Variants in AGMO observed in about 807,000 individuals in gnomAD.
The protein encoded by AGMO is glyceryl-ether monooxygenase.
AGMO carries 75 observed loss-of-function variants against 60.2 expected under a neutral mutation model. The ratio of observed to expected loss-of-function variants is 1.25; its 90% CI spans 1.03 to 1.51. The LOEUF (loss-of-function observed/expected upper bound fraction) is 1.51, where lower values mean the gene tolerates loss of function less well. Ranked by LOEUF, AGMO falls within the 40% of genes most tolerant of loss-of-function variation. The pLI is 0.00. For synonymous variants in AGMO, 261 were observed against 177.1 expected (o/e 1.47, Z -3.76); for missense variants, 763 against 525.5 (o/e 1.45, Z -4.42).
At chr7:15,143,149 C>G in the AGMO span, among the ~76,000 whole-genome samples, 17 of 152,112 alleles carry the variant, frequency 1.1e-4, no homozygotes, top group African/African-American at 4.1e-4. Context: ...CATTAAATAT[C>G]TTTATTTCTT....
At chr7:15,459,423 G>C (rs910919949) in intron 3 of AGMO, among the ~76,000 whole-genome samples, 1 of 152,164 alleles carries the variant, frequency 6.6e-6, no homozygotes, top group Non-Finnish European at 1.5e-5. Flanking sequence ...AGGATGCTGA[G>C]AGGGAGGGAA....
chr7:15,338,789 C>G (rs1781742362), intron 12 of AGMO, among the ~76,000 whole-genome samples: 1 of 152,122 alleles, frequency 6.6e-6, no homozygotes, highest in African/African-American at 2.4e-5. Flanking sequence ...AAAGGGTGCT[C>G]TAATCTTGCA....
intron 12 of AGMO, among the ~76,000 whole-genome samples, chr7:15,322,523 T>TAA (rs1781154943): frequency 1.2e-5 from 1 of 83,688 alleles, no homozygotes; most frequent in African/African-American, 5.9e-5. Context: ...TATAAATATA[T>TAA]ATAAATATAT....
chr7:15,161,843 G>A, the AGMO span, among the ~76,000 whole-genome samples: 1 of 152,044 alleles, frequency 6.6e-6, no homozygotes, highest in Non-Finnish European at 1.5e-5. Context: ...GGCCTGCACA[G>A]ATGAACAAGA....
At chr7:15,184,420 GGAAAA>G in the AGMO span, among the ~76,000 whole-genome samples, 120 of 116,968 alleles carry the variant, frequency 1.0e-3, 3 homozygotes, top group African/African-American at 3.6e-3. Flanking sequence ...AAGGAAGGAA[GGAAAA>G]GAAGGAAGGA....
intron 3 of AGMO, among the ~76,000 whole-genome samples, chr7:15,482,243 A>G (rs1277626319): frequency 6.6e-6 from 1 of 152,118 alleles, no homozygotes; most frequent in Non-Finnish European, 1.5e-5. Flanking sequence ...AAAGGTTTGA[A>G]AAAAATCAGT....
At chr7:15,472,879 T>C (rs1324395102) in intron 3 of AGMO, among the ~76,000 whole-genome samples, 1 of 151,856 alleles carries the variant, frequency 6.6e-6, no homozygotes, top group Admixed American at 6.6e-5. Flanking sequence ...GACTTTTGGC[T>C]GCAAAATTAG....
At chr7:15,224,685 T>G (rs1030647421) in intron 12 of AGMO, among the ~76,000 whole-genome samples, 1 of 152,028 alleles carries the variant, frequency 6.6e-6, no homozygotes, top group Non-Finnish European at 1.5e-5. Flanking sequence ...TCTCTATGCT[T>G]GAAAAATCTT....
the AGMO span, among the ~76,000 whole-genome samples, chr7:15,178,116 G>C: frequency 2.0e-5 from 3 of 152,020 alleles, no homozygotes; most frequent in South Asian, 2.1e-4. Flanking sequence ...GGGACATCCT[G>C]GTACTGCCCT....
chr7:15,303,508 T>C (rs936366999), intron 12 of AGMO, among the ~76,000 whole-genome samples: 1 of 151,868 alleles, frequency 6.6e-6, no homozygotes, highest in Non-Finnish European at 1.5e-5. Flanking sequence ...AACAAGGTCA[T>C]ATCCCACCCA....
chr7:15,370,551 T>A lies in AGMO; in HGVS notation c.1075-4329A>T, dbSNP rs538540269. On this transcript the variant is annotated intron_variant, in intron 10 of 12. Transcript: ENST00000342526. ...CCTTTTCTTTTTAGCCTCACCAGCA[T>A]CTATTGTTTTGATTTTTTAACAATA... is the stretch of plus-strand genomic sequence containing the variant. Among the ~76,000 whole-genome samples the A allele has an allele frequency of 2.0e-5, 3 of 152,322 alleles. No homozygotes were observed. The South Asian group carries it at 6.2e-4, about 32-fold the overall frequency.
intron 3 of AGMO, among the ~76,000 whole-genome samples, chr7:15,521,875 G>A (rs528803506): frequency 1.8e-4 from 28 of 152,242 alleles, no homozygotes; most frequent in Admixed American, 6.5e-4. Context: ...AAGAAATAAA[G>A]GGTATTCAAA....
At chr7:15,331,306 T>C (rs1781492951) in intron 12 of AGMO, among the ~76,000 whole-genome samples, 1 of 152,208 alleles carries the variant, frequency 6.6e-6, no homozygotes, top group South Asian at 2.1e-4. Flanking sequence ...AAATGATTAT[T>C]ACGGCTTAAG....
Position 15,544,909 on chromosome 7 carries a change from C to A in AGMO, c.272G>T (p.Ser91Ile). The A allele has an allele frequency of 1.3e-6, 2 of 1,546,070 alleles. No individual in the cohort carries two copies. Among genetic ancestry groups the A allele is most frequent in the Non-Finnish European group, 1.7e-6 (2 of 1,145,920 alleles). Reference sequence around the variant, plus strand: ...ATAAATATAACTGGTCAGTTCAATGCTCCTGAAAAATAGACTGGAAGATAA... The same window carrying A: ...ATAAATATAACTGGTCAGTTCAATGATCCTGAAAAATAGACTGGAAGATAA... Reference protein sequence around the residue: ...LSRLPSLFFRSIELTSYIYIW... With the variant: ...LSRLPSLFFRIIELTSYIYIW... Residue 91 changes from serine (S) to isoleucine (I), a missense_variant, in exon 3 of 13, where the codon AGC (serine) becomes ATC (isoleucine). By Grantham distance (142) the Ser-to-Ile change is moderately radical. Transcript: ENST00000342526.
At chr7:15,149,267 G>T in the AGMO span, among the ~76,000 whole-genome samples, 2 of 152,124 alleles carry the variant, frequency 1.3e-5, no homozygotes, top group African/African-American at 4.8e-5. Context: ...TCTGTAGGTT[G>T]TGTGTTTACT....
chr7:15,361,414 C>A (rs1462405713), intron 12 of AGMO, among the ~76,000 whole-genome samples: 3 of 151,428 alleles, frequency 2.0e-5, no homozygotes, highest in Non-Finnish European at 4.4e-5. Context: ...GTGGCGGGCA[C>A]CTGTAGTCCC....
At chr7:15,249,378 G>A (rs73060404) in intron 12 of AGMO, among the ~76,000 whole-genome samples, 10,509 of 152,060 alleles carry the variant, frequency 0.069, 459 homozygotes, top group African/African-American at 0.12. Flanking sequence ...AAAAGTTGAG[G>A]ATAAGATTAT....
intron 12 of AGMO, among the ~76,000 whole-genome samples, chr7:15,314,736 C>T (rs1583396716): frequency 6.6e-6 from 1 of 152,220 alleles, no homozygotes; most frequent in East Asian, 1.9e-4. Context: ...CCTTATATGA[C>T]TTTGGGACTT....
the AGMO span, among the ~76,000 whole-genome samples, chr7:15,164,529 C>T: frequency 6.6e-6 from 1 of 151,806 alleles, no homozygotes; most frequent in Admixed American, 6.6e-5. Context: ...CAAAAAACTC[C>T]ACAAGACAAA....
Sources: gnomAD v4.1 joint callset for allele counts (sites outside exome capture counted in the v4.1 genomes callset) on GRCh38, gnomAD v4.1.1 for gene constraint, MANE v1.5 for transcripts, NCBI Gene and HGNC (gene_info 2026-07-23, HGNC 2026-07-21) for gene names.